The following CACFD1 variants were observed in gnomAD, a reference collection of about 807,000 sequenced individuals.
CACFD1 encodes calcium channel flower domain containing 1.
A neutral mutation model predicts 21.3 loss-of-function variants in CACFD1; 26 were observed. That is an observed-to-expected ratio of 1.22 (90% CI 0.89 to 1.69). The LOEUF (loss-of-function observed/expected upper bound fraction) is 1.69, where lower values mean the gene tolerates loss of function less well. Ranked by LOEUF, CACFD1 falls within the 40% of genes most tolerant of loss-of-function variation. The pLI is 0.00. For missense variants in CACFD1, 265 were observed against 236.2 expected (o/e 1.12, Z -0.80); for synonymous variants, 121 against 106.6 (o/e 1.13, Z -0.83).
In CACFD1 at chr9:133,460,028, C is replaced by T. The variant is rs782701202; in HGVS notation, c.-39C>T. On this transcript the variant is annotated 5_prime_UTR_variant, in exon 1 of 5. Coordinates refer to ENST00000316948, the MANE Select transcript of CACFD1 (RefSeq NM_017586.5). ...GCTCGGACGCGGCCGGCTACCGAGC[C>T]CTTTGTGAGGGCTGTGAGCTGCGCC... 5.3e-6 allele frequency: 8 copies of T among 1,512,254 alleles called. No homozygotes were observed. Among genetic ancestry groups the T allele is most frequent in the African/African-American group, 2.9e-5 (2 of 69,532 alleles). 93.7% of individuals were successfully genotyped at this position (1,512,254 alleles called of 1,614,324 possible). A position where few individuals can be genotyped will look rare whatever the true frequency, so the allele number is the denominator to read the frequency against.
chr9:133,465,473 G>A lies in CACFD1; in HGVS notation c.320+26G>A, dbSNP rs202243202. The A allele has an allele frequency of 1.7e-3, 2,673 of 1,587,100 alleles. 7 individuals are homozygous for A. Among genetic ancestry groups the A allele is most frequent in the Non-Finnish European group, 1.9e-3 (2,238 of 1,165,410 alleles). ...GTGAGGGGTTGCTGGGCAGGGTCCC[G>A]TGACACAGTTCCCCAAAACCCCACT... On this transcript the variant is annotated intron_variant, in intron 3 of 4. Transcript: ENST00000316948. The surrounding 1 kb of genome is among the most constrained non-coding windows in gnomAD (Gnocchi z 5.0).
In CACFD1 at chr9:133,460,021, A is replaced by G; in HGVS notation, c.-46A>G. ...CGCGCCGGCTCGGACGCGGCCGGCTACCGAGCCCTTTGTGAGGGCTGTGAG... is the reference window on the plus strand; with the variant it reads ...CGCGCCGGCTCGGACGCGGCCGGCTGCCGAGCCCTTTGTGAGGGCTGTGAG... On this transcript the variant is annotated 5_prime_UTR_variant, in exon 1 of 5. Coordinates refer to ENST00000316948, the MANE Select transcript of CACFD1 (RefSeq NM_017586.5). 2 of 1,498,022 alleles carry G rather than the reference A, an allele frequency of 1.3e-6. No individual in the cohort carries two copies. Among genetic ancestry groups the G allele is most frequent in the Non-Finnish European group, 1.8e-6 (2 of 1,124,070 alleles). The allele number at this position is 1,498,022 out of a possible 1,614,324, so 92.8% of individuals were successfully genotyped here. A position where few individuals can be genotyped will look rare whatever the true frequency, so the allele number is the denominator to read the frequency against.
Position 133,468,591 on chromosome 9 carries a change from C to T in CACFD1, c.457C>T (p.Gln153Ter). Residue 153 changes from glutamine (Q) to a stop codon, truncating the protein, a stop_gained, in exon 5 of 5, where the codon CAG becomes TAG. Transcript: ENST00000316948. LOFTEE classifies it high-confidence loss of function. The stretch of plus-strand genomic sequence containing the variant: ...CGATGCGATCTCCTATGCCAGGATC[C>T]AGCAGCAGAGGCAGCAGGCGGATGA... Reference protein sequence around the residue: ...KGDAISYARIQQQRQQADEEK... With the variant: ...KGDAISYARI 6.3e-7 allele frequency: 1 copy of T among 1,591,084 alleles called. No homozygotes were observed. The highest frequency in any genetic ancestry group is 8.5e-7 in the Non-Finnish European group (1 of 1,170,946).
At chr9:133,463,448 C>G in intron 1 of CACFD1, 35 bp from the exon 2 acceptor site, 1 of 1,613,650 alleles carries the variant, frequency 6.2e-7, no homozygotes, top group East Asian at 2.2e-5. Context: ...CCGCCTGCCT[C>G]CCTGCTGACT....
chr9:133,468,074 G>T, intron 4 of CACFD1, 46 bp downstream of exon 4: 1 of 1,481,626 alleles, frequency 6.7e-7, no homozygotes, highest in Non-Finnish European at 9.4e-7. Context: ...TCCTCCCTCC[G>T]CCCCCCGAAG....
At position 133,465,324 on chromosome 9, in the gene CACFD1, T is replaced by C. The variant is rs782732836; in HGVS notation, c.197T>C (p.Met66Thr). The C allele has an allele frequency of 1.9e-6, 3 of 1,614,018 alleles. No individual in the cohort carries two copies. Among genetic ancestry groups the C allele is most frequent in the Admixed American group, 3.3e-5 (2 of 60,020 alleles). Reference protein sequence around the residue: ...LNIAAGVWMIMNAFILLLCEA... With the variant: ...LNIAAGVWMITNAFILLLCEA... ...TTCTCCTGCCCTGGTCCCTGCAGCA[T>C]GAATGCCTTCATCTTGTTGCTGTGT... The change falls in exon 3 of 5, where the codon ATG (methionine) becomes ACG (threonine). Residue 66 changes from methionine (M) to threonine (T), a missense_variant and splice_region_variant. Physicochemically the swap from Met to Thr is moderately conservative, Grantham distance 81. Transcript: ENST00000316948. This position sits in a 1 kb window ranked among gnomAD's most constrained non-coding sequence, Gnocchi z 5.0.
chr9:133,469,097 C>A lies in CACFD1; in HGVS notation c.*444C>A, dbSNP rs1188453453. On this transcript the variant is annotated 3_prime_UTR_variant, in exon 5 of 5. Coordinates refer to ENST00000316948, the MANE Select transcript of CACFD1 (RefSeq NM_017586.5). Reference sequence around the variant, plus strand: ...GGTGGAGCCCCAGGGCCTGGGACAGCCTGCCGCTGCCAGCAACCTCCCACT... The same window carrying A: ...GGTGGAGCCCCAGGGCCTGGGACAGACTGCCGCTGCCAGCAACCTCCCACT... The A allele has an allele frequency of 1.6e-5, 3 of 190,640 alleles. No homozygotes were observed. The highest frequency in any genetic ancestry group is 5.7e-5 in the Admixed American group (1 of 17,414). The allele number at this position is 190,640 out of a possible 1,614,324, so 11.8% of individuals were successfully genotyped here.
In CACFD1 at chr9:133,469,102, C is replaced by T. The variant is rs587751197; in HGVS notation, c.*449C>T. ...AGCCCCAGGGCCTGGGACAGCCTGCCGCTGCCAGCAACCTCCCACTGCTGC... is the reference window on the plus strand; with the variant it reads ...AGCCCCAGGGCCTGGGACAGCCTGCTGCTGCCAGCAACCTCCCACTGCTGC... On this transcript the variant is annotated 3_prime_UTR_variant, in exon 5 of 5. Transcript: ENST00000316948. 6.9e-5 allele frequency: 13 copies of T among 187,554 alleles called. No individual in the cohort carries two copies. The South Asian group carries it at 9.1e-4, about 13-fold the overall frequency. The allele number at this position is 187,554 out of a possible 1,614,324, so 11.6% of individuals were successfully genotyped here. A position where few individuals can be genotyped will look rare whatever the true frequency, so the allele number is the denominator to read the frequency against.
intron 2 of CACFD1, 42 bp downstream of exon 2, chr9:133,463,597 T>C (rs1554798949): frequency 6.2e-7 from 1 of 1,606,162 alleles, no homozygotes; most frequent in Admixed American, 1.7e-5. Context: ...GTCTTGCTGG[T>C]CGGGAATCTG....
Position 133,465,273 on chromosome 9 carries a change from C to CCTCCTGGGATTGT in CACFD1, c.195-47_195-35dup. The CCTCCTGGGATTGT allele has an allele frequency of 1.2e-6, 2 of 1,610,102 alleles. No homozygotes were observed. Among genetic ancestry groups the CCTCCTGGGATTGT allele is most frequent in the Non-Finnish European group, 1.7e-6 (2 of 1,178,534 alleles). On this transcript the variant is annotated intron_variant, in intron 2 of 4. Transcript: ENST00000316948. The surrounding 1 kb of genome is among the most constrained non-coding windows in gnomAD (Gnocchi z 5.0). The stretch of plus-strand genomic sequence containing the variant: ...CACTGGCACTGGGGGCCGCCCTCAT[C>CCTCCTGGGATTGT]CTCCTGGGATTGTCAGTCGCTGCTC...
intron 1 of CACFD1, chr9:133,462,269 A>G: frequency 2.3e-6 from 3 of 1,303,980 alleles, no homozygotes; most frequent in Non-Finnish European, 3.0e-6. Context: ...CCCTTTGGGC[A>G]CTCTGCTAGG....
rs1318817400 is a variant in CACFD1 at position 133,469,870 on chromosome 9, G to A, written c.*1217G>A. 1.3e-5 allele frequency: 2 copies of A among 152,284 alleles called. No individual in the cohort carries two copies. Among genetic ancestry groups the A allele is most frequent in the Non-Finnish European group, 2.9e-5 (2 of 68,056 alleles). 9.4% of individuals were successfully genotyped at this position (152,284 alleles called of 1,614,324 possible). ...GCCTGCGCTGAGCTTCTGGAGCGCAGGTACTGGGTCTTGCTAAGTGAACTG... is the reference window on the plus strand; with the variant it reads ...GCCTGCGCTGAGCTTCTGGAGCGCAAGTACTGGGTCTTGCTAAGTGAACTG... On this transcript the variant is annotated 3_prime_UTR_variant, in exon 5 of 5. Transcript: ENST00000316948.
In CACFD1 at chr9:133,463,068, G is replaced by A. The variant is rs587689638; in HGVS notation, c.122-415G>A. Among the ~76,000 whole-genome samples, 7 of 152,372 alleles carry A rather than the reference G, an allele frequency of 4.6e-5. No homozygotes were observed. In the South Asian group the frequency reaches 1.2e-3, roughly 27 times the overall value. ...TCTTGTGTGGCCGGCCCTGTGAATGGTGGCAAGTGACCCTTACCGAAGGCT... is the reference window on the plus strand; with the variant it reads ...TCTTGTGTGGCCGGCCCTGTGAATGATGGCAAGTGACCCTTACCGAAGGCT... On this transcript the variant is annotated intron_variant, in intron 1 of 4. Transcript: ENST00000316948.
intron 1 of CACFD1, among the ~76,000 whole-genome samples, chr9:133,460,537 G>A (rs1303033962): frequency 6.0e-5 from 8 of 134,354 alleles, no homozygotes; most frequent in African/African-American, 1.6e-4. Context: ...CTCCCCAGGG[G>A]CTTTTGTGAG....
At position 133,468,860 on chromosome 9, in the gene CACFD1, C is replaced by G. The variant is rs1843558829; in HGVS notation, c.*207C>G. On this transcript the variant is annotated 3_prime_UTR_variant, in exon 5 of 5. Coordinates refer to ENST00000316948, the MANE Select transcript of CACFD1 (RefSeq NM_017586.5). ...AGGGTCTGGGCTGCTGGACTTGAGGCAGAGCCTGCAGCAGCTGTGTGGACA... is the reference window on the plus strand; with the variant it reads ...AGGGTCTGGGCTGCTGGACTTGAGGGAGAGCCTGCAGCAGCTGTGTGGACA... The G allele has an allele frequency of 6.2e-6, 5 of 802,124 alleles. No individual in the cohort carries two copies. The East Asian group carries it at 1.1e-4, about 18-fold the overall frequency. The allele number at this position is 802,124 out of a possible 1,614,324, so 49.7% of individuals were successfully genotyped here.
At chr9:133,466,406 T>C (rs1049136080) in intron 3 of CACFD1, among the ~76,000 whole-genome samples, 3 of 152,246 alleles carry the variant, frequency 2.0e-5, no homozygotes, top group East Asian at 3.8e-4. Flanking sequence ...AACACAGTTA[T>C]AACCATTATG....
At position 133,467,552 on chromosome 9, in the gene CACFD1, C is replaced by T. The variant is rs782062606; in HGVS notation, c.321-369C>T. ...GATCCCCTCTCCGCGGTGGAGATTCCGAGTAACTTGCCCGCGAAGCTAGTA... is the reference window on the plus strand; with the variant it reads ...GATCCCCTCTCCGCGGTGGAGATTCTGAGTAACTTGCCCGCGAAGCTAGTA... On this transcript the variant is annotated intron_variant, in intron 3 of 4. Coordinates refer to ENST00000316948, the MANE Select transcript of CACFD1 (RefSeq NM_017586.5). 4.6e-5 allele frequency among the ~76,000 whole-genome samples: 7 copies of T among 152,314 alleles called. No homozygotes were observed. The South Asian group carries it at 6.2e-4, about 14-fold the overall frequency.
rs1258094713 is a variant in CACFD1 at position 133,469,626 on chromosome 9, A to C, written c.*973A>C. 6.6e-6 allele frequency: 1 copy of C among 152,280 alleles called. No individual in the cohort carries two copies. Among genetic ancestry groups the C allele is most frequent in the Admixed American group, 6.5e-5 (1 of 15,286 alleles). The allele number at this position is 152,280 out of a possible 1,614,324, so 9.4% of individuals were successfully genotyped here. ...CTGCCCTGGGTGCCAGGCTGTCCGG[A>C]GCCAGGCCTACCCAGGGAGGATGCA... On this transcript the variant is annotated 3_prime_UTR_variant, in exon 5 of 5. Transcript: ENST00000316948.
Position 133,460,084 on chromosome 9 carries a change from G to A in CACFD1, c.18G>A (p.Gly6=), listed in dbSNP as rs1022170525. ...GTGGCACCATGAGCAGCTCAGGTGG[G>A]GCGCCCGGGGCGTCCGCCAGCTCTG... The part of the protein sequence containing the change: MSSSG[G]APGASASSAP... The change falls in exon 1 of 5, where the codon GGG becomes GGA. Residue 6 remains glycine (G), a synonymous_variant. Coordinates refer to ENST00000316948, the MANE Select transcript of CACFD1 (RefSeq NM_017586.5). The A allele has an allele frequency of 8.3e-6, 13 of 1,562,606 alleles. No individual in the cohort carries two copies. Among genetic ancestry groups the A allele is most frequent in the Non-Finnish European group, 7.8e-6 (9 of 1,153,698 alleles).
Sources: allele counts gnomAD v4.1 joint callset (sites outside exome capture counted in the v4.1 genomes callset), GRCh38; gene constraint gnomAD v4.1.1; non-coding constraint Gnocchi (gnomAD v3.1); transcripts MANE v1.5; gene names NCBI Gene and HGNC (gene_info 2026-07-23, HGNC 2026-07-21).